Variants in DPP10 observed in about 807,000 individuals in gnomAD.
The protein encoded by DPP10 is dipeptidyl peptidase like 10.
A neutral mutation model predicts 120.9 loss-of-function variants in DPP10; 33 were observed. The observed-to-expected ratio is 0.27, with a 90% CI of 0.21 to 0.37. The LOEUF (loss-of-function observed/expected upper bound fraction) is 0.37, where lower values mean the gene tolerates loss of function less well. DPP10 is among the 10% of genes least tolerant of loss of function. The pLI, the probability that DPP10 is intolerant of heterozygous loss-of-function variation, is 1.00. For synonymous variants in DPP10, 337 were observed against 326.1 expected (o/e 1.03, Z -0.36); for missense variants, 816 against 942.8 (o/e 0.87, Z 1.76).
chr2:115,088,750 C>CAAAAAAAAAAAAA (rs70941027), intron 1 of DPP10, among the ~76,000 whole-genome samples: 87 of 64,886 alleles, frequency 1.3e-3, no homozygotes, highest in Admixed American at 1.9e-3. Flanking sequence ...CTGTGCCTGA[C>CAAAAAAAAAAAAA]AAAAAAAAAA....
chr2:114,696,995 C>A (rs78892165), intron 1 of DPP10, among the ~76,000 whole-genome samples: 5,339 of 151,930 alleles, frequency 0.035, 315 homozygotes, highest in African/African-American at 0.12. Context: ...AGTATGAATC[C>A]AGATGTCTGT....
intron 3 of DPP10, among the ~76,000 whole-genome samples, chr2:115,448,531 G>A (rs1439120208): frequency 6.6e-6 from 1 of 151,982 alleles, no homozygotes; most frequent in African/African-American, 2.4e-5. Flanking sequence ...TGATCATAAG[G>A]AAAATAGAAT....
At chr2:115,489,805 G>C (rs181991478) in intron 3 of DPP10, among the ~76,000 whole-genome samples, 1 of 152,064 alleles carries the variant, frequency 6.6e-6, no homozygotes, top group East Asian at 1.9e-4. Context: ...AATGTAACCA[G>C]ACCTTCCCTT....
At chr2:115,737,516 A>G (rs1676703817) in intron 8 of DPP10, among the ~76,000 whole-genome samples, 1 of 152,142 alleles carries the variant, frequency 6.6e-6, no homozygotes, top group South Asian at 2.1e-4. Context: ...TATGATTGTC[A>G]TATGGAGAGT....
intron 1 of DPP10, among the ~76,000 whole-genome samples, chr2:114,778,349 A>G (rs1005330416): frequency 3.9e-5 from 6 of 152,152 alleles, no homozygotes; most frequent in African/African-American, 1.4e-4. Context: ...ACTTTCATAT[A>G]AATGTGATTT....
intron 1 of DPP10, among the ~76,000 whole-genome samples, chr2:114,783,682 A>C (rs555617963): frequency 6.6e-6 from 1 of 151,968 alleles, no homozygotes; most frequent in East Asian, 1.9e-4. Flanking sequence ...AAAAATGCAA[A>C]AATTAGCCGG....
chr2:114,876,489 T>A (rs542093786), intron 1 of DPP10, among the ~76,000 whole-genome samples: 1 of 152,100 alleles, frequency 6.6e-6, no homozygotes, highest in African/African-American at 2.4e-5. Flanking sequence ...TTTTACTAAC[T>A]TGGGGATTTT....
intron 1 of DPP10, among the ~76,000 whole-genome samples, chr2:114,491,010 G>A (rs1681950860): frequency 6.6e-6 from 1 of 152,080 alleles, no homozygotes; most frequent in African/African-American, 2.4e-5. Flanking sequence ...TTCATTGAGT[G>A]CCCATTATGC....
intron 1 of DPP10, among the ~76,000 whole-genome samples, chr2:114,734,920 C>T (rs1249173513): frequency 6.6e-6 from 1 of 152,132 alleles, no homozygotes; most frequent in Non-Finnish European, 1.5e-5. Context: ...AAGGTGTTGG[C>T]AGGTCTGGTT....
At position 115,711,356 on chromosome 2, in the gene DPP10, T is replaced by A. The variant is rs543743307; in HGVS notation, c.577-16460T>A. Reference sequence around the variant, plus strand: ...AGATGAGAAAAATGAGGGATACACATAAAGAATGGGATTGTCTTGGTTGAC... The same window carrying A: ...AGATGAGAAAAATGAGGGATACACAAAAAGAATGGGATTGTCTTGGTTGAC... On this transcript the variant is annotated intron_variant, in intron 7 of 25. Coordinates refer to ENST00000410059, the MANE Select transcript of DPP10 (RefSeq NM_020868.6). Among the ~76,000 whole-genome samples the A allele has an allele frequency of 4.6e-5, 7 of 152,052 alleles. No homozygotes were observed. In the South Asian group the frequency reaches 1.5e-3, roughly 32 times the overall value.
chr2:115,462,079 C>T (rs1210170095), intron 3 of DPP10, among the ~76,000 whole-genome samples: 1 of 152,132 alleles, frequency 6.6e-6, no homozygotes, highest in Non-Finnish European at 1.5e-5. Context: ...AAAGGTGCCT[C>T]AAGCTTAACA....
intron 3 of DPP10, among the ~76,000 whole-genome samples, chr2:115,350,505 T>C (rs1032290504): frequency 5.9e-5 from 9 of 152,108 alleles, no homozygotes; most frequent in African/African-American, 2.2e-4. Flanking sequence ...AAGTAAATGG[T>C]TACTAAAATT....
chr2:114,918,466 C>A (rs1324211156), intron 1 of DPP10, among the ~76,000 whole-genome samples: 1 of 152,152 alleles, frequency 6.6e-6, no homozygotes, highest in Admixed American at 6.6e-5. Flanking sequence ...AAGGAATGTA[C>A]ATGGTTCTGC....
chr2:115,320,597 C>A (rs1396580453), intron 2 of DPP10, among the ~76,000 whole-genome samples: 3 of 151,986 alleles, frequency 2.0e-5, no homozygotes, highest in African/African-American at 4.8e-5. Flanking sequence ...CATACACAAA[C>A]TGTTTTTATA....
chr2:114,752,994 C>T (rs1256928979), intron 1 of DPP10, among the ~76,000 whole-genome samples: 2 of 152,238 alleles, frequency 1.3e-5, no homozygotes, highest in South Asian at 4.1e-4. Context: ...GGGACCTGCC[C>T]ATGGAAAATG....
At chr2:115,262,278 G>T (rs2059285532) in intron 1 of DPP10, among the ~76,000 whole-genome samples, 1 of 151,544 alleles carries the variant, frequency 6.6e-6, no homozygotes, top group Non-Finnish European at 1.5e-5. Flanking sequence ...CAAGTCTTTT[G>T]TCATCAGTAG....
At chr2:114,802,076 A>T (rs1203260446) in intron 1 of DPP10, among the ~76,000 whole-genome samples, 1 of 152,194 alleles carries the variant, frequency 6.6e-6, no homozygotes, top group African/African-American at 2.4e-5. Context: ...TCAGTCTAGG[A>T]TTACTTGCTT....
At chr2:114,873,643 G>C (rs1167530732) in intron 1 of DPP10, among the ~76,000 whole-genome samples, 1 of 152,068 alleles carries the variant, frequency 6.6e-6, no homozygotes, top group African/African-American at 2.4e-5. Context: ...TCTACGCACT[G>C]TGTCCTTCAT....
At chr2:115,640,787 T>C (rs2086717729) in intron 5 of DPP10, among the ~76,000 whole-genome samples, 1 of 152,172 alleles carries the variant, frequency 6.6e-6, no homozygotes, top group Admixed American at 6.6e-5. Flanking sequence ...ATGGTTCCGG[T>C]TGCCTTGGGA....
Sources: gnomAD v4.1 joint callset for allele counts (sites outside exome capture counted in the v4.1 genomes callset) on GRCh38, gnomAD v4.1.1 for gene constraint, MANE v1.5 for transcripts, NCBI Gene and HGNC (gene_info 2026-07-23, HGNC 2026-07-21) for gene names.